PLAAT3: variants seen among roughly 807,000 people sequenced by gnomAD.
PLAAT3 encodes Ca-independent phospholipase A1/2.
A neutral mutation model predicts 16.7 loss-of-function variants in PLAAT3; 21 were observed. The observed-to-expected ratio is 1.26, with a 90% CI of 0.89 to 1.81. PLAAT3 has a LOEUF of 1.81. PLAAT3 is among the 40% of genes most tolerant of loss of function. PLAAT3 has a pLI of 0.00. For missense variants in PLAAT3, 219 were observed against 213.7 expected, an observed-to-expected ratio of 1.02 and a Z score of -0.16; for synonymous variants, 76 against 81.7, an observed-to-expected ratio of 0.93 and a Z score of 0.38.
At chr11:63,603,733 CACACACACACACACACACACAG>C (rs1278792070) in intron 2 of PLAAT3, among the ~76,000 whole-genome samples, 15 of 142,342 alleles carry the variant, frequency 1.1e-4, no homozygotes, top group South Asian at 4.8e-4. Flanking sequence ...CACACACACA[CACACACACACACACACACACAG>C]ACAGAGATAT....
chr11:63,598,310 C>T (rs1040544049), intron 2 of PLAAT3, 147 bp from the exon 3 acceptor site: 1 of 632,628 alleles, frequency 1.6e-6, no homozygotes, highest in Non-Finnish European at 2.9e-6. Context: ...GGTCCAATGC[C>T]AGTCCAACTT....
chr11:63,593,970 G>C (rs654680), intron 3 of PLAAT3, among the ~76,000 whole-genome samples: 85,137 of 152,088 alleles, frequency 0.56, 24,358 homozygotes, highest in Non-Finnish European at 0.63. Flanking sequence ...AGCCAGAAGT[G>C]ACACTGCCAC....
rs189071263 is a variant in PLAAT3, at chr11:63,604,556, A to G, written c.16-6393T>C. 4.7e-3 allele frequency among the ~76,000 whole-genome samples: 712 copies of G among 152,142 alleles called. 6 individuals are homozygous for G. The highest frequency in any genetic ancestry group is 0.015 in the African/African-American group (643 of 41,494). On this transcript the variant is annotated intron_variant, in intron 2 of 4. Coordinates refer to ENST00000415826, the MANE Select transcript of PLAAT3 (RefSeq NM_001128203.2). ...GGAAGGTGGATCACTTGAAGTCAGG[A>G]GTTTGAGACCAGCCTGGCCAACATG...
chr11:63,586,511 C>A (rs765404692), intron 4 of PLAAT3, among the ~76,000 whole-genome samples: 2 of 152,190 alleles, frequency 1.3e-5, no homozygotes, highest in Admixed American at 6.5e-5. Flanking sequence ...TGTAAACCTA[C>A]CAAATATTCT....
At chr11:63,576,049 A>G (rs1324284939) in intron 4 of PLAAT3, among the ~76,000 whole-genome samples, 2 of 152,188 alleles carry the variant, frequency 1.3e-5, no homozygotes, top group Non-Finnish European at 2.9e-5. Flanking sequence ...TAAACATGCT[A>G]AATGTGAGAC....
intron 2 of PLAAT3, among the ~76,000 whole-genome samples, chr11:63,598,500 G>T (rs1486899487): frequency 6.6e-6 from 1 of 152,208 alleles, no homozygotes; most frequent in East Asian, 1.9e-4. Context: ...TGTTTTACAA[G>T]ATGGCTCAAT....
chr11:63,595,523 C>T (rs915921427), intron 3 of PLAAT3, among the ~76,000 whole-genome samples: 1 of 152,254 alleles, frequency 6.6e-6, no homozygotes, highest in African/African-American at 2.4e-5. Context: ...CCGTGTGATA[C>T]CTCTTCCATG....
At chr11:63,597,987 T>C in intron 3 of PLAAT3, 74 bp downstream of exon 3, 1 of 973,228 alleles carries the variant, frequency 1.0e-6, no homozygotes, top group South Asian at 1.3e-5. Flanking sequence ...GGGTCACCTG[T>C]TACCCACAGT....
At chr11:63,611,702 A>G (rs1165388733) in intron 2 of PLAAT3, among the ~76,000 whole-genome samples, 1 of 152,256 alleles carries the variant, frequency 6.6e-6, no homozygotes, top group East Asian at 1.9e-4. Flanking sequence ...AAAAGAAACT[A>G]AAAGAATGAT....
rs1050968577 is a variant in PLAAT3 at position 63,578,919 on chromosome 11, G to A, written c.388-3873C>T. On this transcript the variant is annotated intron_variant, in intron 4 of 4. Coordinates refer to ENST00000415826, the MANE Select transcript of PLAAT3 (RefSeq NM_001128203.2). ...CTTCTGCACAGCAAAAGAAACTACC[G>A]TCAGAGTGAACAGGCAACCTACAGA... Among the ~76,000 whole-genome samples the A allele has an allele frequency of 6.0e-4, 90 of 151,258 alleles. 2 individuals carry two copies. The highest frequency in any genetic ancestry group is 2.1e-3 in the South Asian group (10 of 4,766).
intron 3 of PLAAT3, among the ~76,000 whole-genome samples, chr11:63,591,995 C>G (rs1938165050): frequency 6.6e-6 from 1 of 152,178 alleles, no homozygotes; most frequent in South Asian, 2.1e-4. Context: ...CCACCCAGGA[C>G]AGGGGTACCC....
intron 2 of PLAAT3, among the ~76,000 whole-genome samples, chr11:63,611,068 G>A (rs1273280020): frequency 6.6e-6 from 1 of 152,100 alleles, no homozygotes; most frequent in Non-Finnish European, 1.5e-5. Context: ...ATAGGAGCAA[G>A]ATTGCTGTAG....
In PLAAT3 at chr11:63,593,635, C is replaced by CTTGA. The variant is rs565874296; in HGVS notation, c.119-3268_119-3267insTCAA. Reference sequence around the variant, plus strand: ...CCAGGCTGGAGTGCAGTGGTGCAATCTTGGTTCACTGCAGCCTCCGCCTCC... The same window carrying CTTGA: ...CCAGGCTGGAGTGCAGTGGTGCAATCTTGATTGGTTCACTGCAGCCTCCGCCTCC... On this transcript the variant is annotated intron_variant, in intron 3 of 4. Transcript: ENST00000415826. 3.7e-3 allele frequency among the ~76,000 whole-genome samples: 567 copies of CTTGA among 152,286 alleles called. 3 individuals carry two copies. Among genetic ancestry groups the CTTGA allele is most frequent in the African/African-American group, 0.013 (526 of 41,542 alleles).
intron 3 of PLAAT3, among the ~76,000 whole-genome samples, chr11:63,593,100 C>T (rs559401230): frequency 6.6e-6 from 1 of 152,358 alleles, no homozygotes; most frequent in Non-Finnish European, 1.5e-5. Context: ...TGAGGCCCTA[C>T]TGGGTGCCGG....
chr11:63,615,587 T>C (rs1186299089), upstream of PLAAT3, among the ~76,000 whole-genome samples: 1 of 152,050 alleles, frequency 6.6e-6, no homozygotes, highest in African/African-American at 2.4e-5. Flanking sequence ...AACATCCTTA[T>C]CCTCAAAGAG....
upstream of PLAAT3, among the ~76,000 whole-genome samples, chr11:63,615,250 G>GTATA (rs1480553584): frequency 7.4e-5 from 7 of 95,020 alleles, no homozygotes; most frequent in African/African-American, 2.1e-4. Context: ...GTATATATGT[G>GTATA]TGTGTATATA....
chr11:63,613,897 C>T, intron 2 of PLAAT3, 103 bp downstream of exon 2: 1 of 746,304 alleles, frequency 1.3e-6, no homozygotes, highest in Non-Finnish European at 2.3e-6. Context: ...CCCACATCCT[C>T]GAGGCTCCTC....
upstream of PLAAT3, among the ~76,000 whole-genome samples, chr11:63,615,184 A>ATATGTGTATATATGTGTG (rs1565259839): frequency 5.2e-4 from 5 of 9,542 alleles, no homozygotes; most frequent in East Asian, 2.1e-3. Context: ...ATATGTGTGT[A>ATATGTGTATATATGTGTG]TATATATGTG....
chr11:63,576,250 A>G (rs114051009), intron 4 of PLAAT3, among the ~76,000 whole-genome samples: 2,482 of 151,576 alleles, frequency 0.016, 61 homozygotes, highest in African/African-American at 0.058. Context: ...ACCCACCCCC[A>G]CTCACTCAGA....
Sources: gnomAD v4.1 joint callset for allele counts (sites outside exome capture counted in the v4.1 genomes callset) on GRCh38, gnomAD v4.1.1 for gene constraint, MANE v1.5 for transcripts, NCBI Gene and HGNC (gene_info 2026-07-23, HGNC 2026-07-21) for gene names.